Variants in ABCB6 observed in about 807,000 individuals in gnomAD.
ABCB6 encodes ATP binding cassette subfamily B member 6 (LAN blood group).
In ABCB6, 87 loss-of-function variants were observed where a neutral mutation model predicts 99.4. The observed-to-expected ratio is 0.88, with a 90% CI of 0.74 to 1.05. The LOEUF (loss-of-function observed/expected upper bound fraction) is 1.05. Ranked by LOEUF, ABCB6 falls within the 50% of genes least tolerant of loss-of-function variation. The pLI, the probability that ABCB6 is intolerant of heterozygous loss-of-function variation, is 0.00. For synonymous variants in ABCB6, 482 were observed against 447.5 expected (o/e 1.08, Z -0.97); for missense variants, 1,050 against 1,097.9 (o/e 0.96, Z 0.62).
chr2:219,215,141 CCT>C, intron 5 of ABCB6, 59 bp from the exon 6 acceptor site: 2 of 1,606,636 alleles, frequency 1.2e-6, no homozygotes, highest in Non-Finnish European at 1.7e-6. Flanking sequence ...AGCAACCCTG[CCT>C]CTAGGCATTT....
chr2:219,213,014 A>G lies in ABCB6; in HGVS notation c.1857T>C (p.Leu619=). The G allele has an allele frequency of 6.2e-7, 1 of 1,614,000 alleles. No individual in the cohort carries two copies. The highest frequency in any genetic ancestry group is 8.5e-7 in the Non-Finnish European group (1 of 1,179,958). The change falls in exon 13 of 19, where the codon CTT becomes CTC. Residue 619 remains leucine, a synonymous_variant. Coordinates refer to ENST00000265316, the MANE Select transcript of ABCB6 (RefSeq NM_005689.4). ...TGGCTGGGTCTCCTCTCACCAGGGC[A>G]AGTGTCTGTCCAGGCATCACAGTGA... The part of the protein sequence containing the change: ...VSFTVMPGQT[L]ALVGPSGAGK...
chr2:219,210,944 A>C lies in ABCB6; in HGVS notation c.2133T>G (p.Ala711=). 6.2e-7 allele frequency: 1 copy of C among 1,614,186 alleles called. No individual in the cohort carries two copies. The highest frequency in any genetic ancestry group is 2.2e-5 in the East Asian group (1 of 44,886). ...AAAGGAATCTCTCACCTTCAGGGAAAGCCATAATGGCATCATGGATGCCTG... is the reference window on the plus strand; with the variant it reads ...AAAGGAATCTCTCACCTTCAGGGAACGCCATAATGGCATCATGGATGCCTG... ...QAAGIHDAIM[A]FPEGYRTQVG... The change falls in exon 15 of 19, where the codon GCT becomes GCG. Residue 711 remains alanine (A), a synonymous_variant. Coordinates refer to ENST00000265316, the MANE Select transcript of ABCB6 (RefSeq NM_005689.4).
At chr2:219,214,781 G>A in intron 6 of ABCB6, 180 bp downstream of exon 6, 1 of 708,904 alleles carries the variant, frequency 1.4e-6, no homozygotes, top group East Asian at 2.7e-5. Flanking sequence ...CAGCCCCTCA[G>A]CTAGGTTAAG....
chr2:219,212,907 G>C (rs1481513353), intron 13 of ABCB6, 101 bp downstream of exon 13: 1 of 1,334,634 alleles, frequency 7.5e-7, no homozygotes, highest in East Asian at 2.4e-5. Flanking sequence ...TGCCTATCGT[G>C]ACTGGGCTCT....
Position 219,218,827 on chromosome 2 carries a change from C to A in ABCB6, c.-154G>T. The A allele has an allele frequency of 1.3e-6, 1 of 795,298 alleles. No homozygotes were observed. The highest frequency in any genetic ancestry group is 1.9e-6 in the Non-Finnish European group (1 of 531,532). 49.3% of individuals were successfully genotyped at this position (795,298 alleles called of 1,614,324 possible). A position where few individuals can be genotyped will look rare whatever the true frequency, so the allele number is the denominator to read the frequency against. ...GTCCCGGGAAGGGACGCACGTGGAC[C>A]AGGCCTCACCGCCCACTCCCCTAGC... On this transcript the variant is annotated 5_prime_UTR_variant, in exon 1 of 19. Coordinates refer to ENST00000265316, the MANE Select transcript of ABCB6 (RefSeq NM_005689.4).
chr2:219,212,285 G>T, intron 14 of ABCB6, 102 bp downstream of exon 14: 3 of 971,244 alleles, frequency 3.1e-6, no homozygotes, highest in Non-Finnish European at 4.8e-6. Flanking sequence ...AATGGCCCTA[G>T]TTTTTTTGCA....
intron 8 of ABCB6, 47 bp downstream of exon 8, chr2:219,214,074 C>T: frequency 1.2e-6 from 2 of 1,613,000 alleles, no homozygotes; most frequent in Non-Finnish European, 1.7e-6. Flanking sequence ...GAAAATTCTA[C>T]CAGGCCAGGG....
At position 219,218,301 on chromosome 2, in the gene ABCB6, G is replaced by A. The variant is rs373249069; in HGVS notation, c.373C>T (p.Leu125Phe). Residue 125 changes from leucine (L) to phenylalanine (F), a missense_variant, in exon 1 of 19, where the codon CTT becomes TTT. Coordinates refer to ENST00000265316, the MANE Select transcript of ABCB6 (RefSeq NM_005689.4). Reference protein sequence around the residue: ...SLAGACGLWLLVVERSQARQR... With the variant: ...SLAGACGLWLFVVERSQARQR... The stretch of plus-strand genomic sequence containing the variant: ...CGTGCCTGGCTCCGCTCCACGACAA[G>A]CAGCCACAGGCCACAGGCGCCGGCC... The A allele has an allele frequency of 6.2e-7, 1 of 1,613,054 alleles. No individual in the cohort carries two copies. The highest frequency in any genetic ancestry group is 1.1e-5 in the South Asian group (1 of 91,088).
In ABCB6 at chr2:219,213,313, G is replaced by A; in HGVS notation, c.1733C>T (p.Pro578Leu). 9.9e-6 allele frequency: 16 copies of A among 1,614,088 alleles called. No homozygotes were observed. Among genetic ancestry groups the A allele is most frequent in the East Asian group, 2.2e-5 (1 of 44,874 alleles). ...LKEETEVKDLPGAGPLRFQKG... is the reference protein window; with the variant it reads ...LKEETEVKDLLGAGPLRFQKG... The stretch of plus-strand genomic sequence containing the variant: ...CTGAAAGCGAAGGGGCCCTGCTCCA[G>A]GAAGGTCCTTCACCTGGAAGGGCAC... The change falls in exon 12 of 19, where the codon CCT (proline) becomes CTT (leucine). Residue 578 changes from proline to leucine, a missense_variant. Pro to Leu is a moderately conservative substitution (Grantham distance 98, BLOSUM62 -3). Coordinates refer to ENST00000265316, the MANE Select transcript of ABCB6 (RefSeq NM_005689.4).
intron 14 of ABCB6, among the ~76,000 whole-genome samples, chr2:219,212,130 C>T (rs1298794144): frequency 6.6e-6 from 1 of 152,090 alleles, no homozygotes; most frequent in Non-Finnish European, 1.5e-5. Context: ...CTCCTGGGCT[C>T]AAGTGATCCA....
In ABCB6 at chr2:219,210,789, C is replaced by G; in HGVS notation, c.2178G>C (p.Lys726Asn). 6.2e-7 allele frequency: 1 copy of G among 1,613,904 alleles called. No homozygotes were observed. The highest frequency in any genetic ancestry group is 2.2e-5 in the East Asian group (1 of 44,878). ...CGCGCTGCTTCTCCCCGCCGCTCAGCTTCAGTCCCCGCTCGCCCACCTGTG... is the reference window on the plus strand; with the variant it reads ...CGCGCTGCTTCTCCCCGCCGCTCAGGTTCAGTCCCCGCTCGCCCACCTGTG... ...YRTQVGERGL[K>N]LSGGEKQRVA... Residue 726 changes from lysine (K) to asparagine (N), a missense_variant, in exon 16 of 19, where the codon AAG (lysine) becomes AAC (asparagine). Coordinates refer to ENST00000265316, the MANE Select transcript of ABCB6 (RefSeq NM_005689.4).
rs1950667255 is a variant in ABCB6, at chr2:219,218,010, C to T, written c.549+115G>A. ...AGCTCCCGGCAGGACTCAGCCCCTC[C>T]CTTCTCCCTTTGCTTAGAGGCATCC... On this transcript the variant is annotated intron_variant, in intron 1 of 18. Coordinates refer to ENST00000265316, the MANE Select transcript of ABCB6 (RefSeq NM_005689.4). 3.5e-6 allele frequency: 5 copies of T among 1,409,532 alleles called. No homozygotes were observed. In the Admixed American group the frequency reaches 1.3e-4, roughly 38 times the overall value. 87.3% of individuals were successfully genotyped at this position (1,409,532 alleles called of 1,614,324 possible). A position where few individuals can be genotyped will look rare whatever the true frequency, so the allele number is the denominator to read the frequency against.
chr2:219,216,871 CAAGT>C lies in ABCB6; in HGVS notation c.688-43_688-40del, dbSNP rs1408505311. 1.3e-6 allele frequency: 2 copies of C among 1,565,470 alleles called. No homozygotes were observed. The highest frequency in any genetic ancestry group is 1.2e-5 in the South Asian group (1 of 85,406). ...ACACGTAGGAAGGGAGCTCAGAAAT[CAAGT>C]AAGTGCACTAGCCAGAAACCCTTCA... On this transcript the variant is annotated intron_variant, in intron 2 of 18. Transcript: ENST00000265316. The surrounding 1 kb of genome is among the most constrained non-coding windows in gnomAD (Gnocchi z 4.2).
chr2:219,217,945 A>C, intron 1 of ABCB6, 138 bp from the exon 2 acceptor site: 1 of 1,360,046 alleles, frequency 7.4e-7, no homozygotes, highest in Non-Finnish European at 9.8e-7. Context: ...AAGCAAAACC[A>C]CAGTGACTCA....
chr2:219,216,516 A>C lies in ABCB6; in HGVS notation c.869-51T>G. ...ACTTATGGCGCCCAGGACTCTCTTCAGGCAAAATGGCCCCAGGTACCAGCC... is the reference window on the plus strand; with the variant it reads ...ACTTATGGCGCCCAGGACTCTCTTCCGGCAAAATGGCCCCAGGTACCAGCC... On this transcript the variant is annotated intron_variant, in intron 3 of 18. Transcript: ENST00000265316. The surrounding 1 kb of genome is among the most constrained non-coding windows in gnomAD (Gnocchi z 4.2). 6.3e-7 allele frequency: 1 copy of C among 1,588,384 alleles called. No homozygotes were observed. Among genetic ancestry groups the C allele is most frequent in the South Asian group, 1.1e-5 (1 of 89,612 alleles).
chr2:219,211,832 C>T (rs531644777), intron 14 of ABCB6, among the ~76,000 whole-genome samples: 6 of 149,426 alleles, frequency 4.0e-5, no homozygotes, highest in East Asian at 2.0e-4. Flanking sequence ...GGCGCCATCT[C>T]GGCTCACTGC....
At chr2:219,211,190 G>A in intron 14 of ABCB6, 82 bp from the exon 15 acceptor site, 1 of 1,475,686 alleles carries the variant, frequency 6.8e-7, no homozygotes, top group Non-Finnish European at 9.3e-7. Flanking sequence ...GGAAGCACGT[G>A]GGATAAGAGG....
At chr2:219,215,297 T>C (rs2106427105) in intron 5 of ABCB6, 1 of 556,442 alleles carries the variant, frequency 1.8e-6, no homozygotes, top group East Asian at 3.1e-5. Context: ...CCTTCAGGCA[T>C]GGAAGAAAAA....
chr2:219,218,829 G>C lies in ABCB6; in HGVS notation c.-156C>G, dbSNP rs1950685333. 2 of 792,958 alleles carry C rather than the reference G, an allele frequency of 2.5e-6. No homozygotes were observed. The highest frequency in any genetic ancestry group is 3.8e-6 in the Non-Finnish European group (2 of 529,604). The allele number at this position is 792,958 out of a possible 1,614,324, so 49.1% of individuals were successfully genotyped here. ...CCCGGGAAGGGACGCACGTGGACCA[G>C]GCCTCACCGCCCACTCCCCTAGCGC... is the stretch of plus-strand genomic sequence containing the variant. On this transcript the variant is annotated 5_prime_UTR_variant, in exon 1 of 19. Transcript: ENST00000265316.
Sources: allele counts gnomAD v4.1 joint callset (sites outside exome capture counted in the v4.1 genomes callset), GRCh38; gene constraint gnomAD v4.1.1; non-coding constraint Gnocchi (gnomAD v3.1); transcripts MANE v1.5; gene names NCBI Gene and HGNC (gene_info 2026-07-23, HGNC 2026-07-21).